Variants in RIMS2 observed in about 807,000 individuals in gnomAD.
The protein encoded by RIMS2 is regulating synaptic membrane exocytosis protein 2.
In RIMS2, 59 loss-of-function variants were observed where a neutral mutation model predicts 174.4. The observed-to-expected ratio is 0.34, with a 90% confidence interval of 0.27 to 0.42. The LOEUF is 0.42. RIMS2 is among the 10% of genes least tolerant of loss of function. The pLI is 1.00. For missense variants in RIMS2, 1,620 were observed against 1,666.3 expected (o/e 0.97, Z 0.48); for synonymous variants, 606 against 572.5 (o/e 1.06, Z -0.84).
At chr8:104,214,958 T>C (rs2099123329) in intron 19 of RIMS2, among the ~76,000 whole-genome samples, 1 of 152,218 alleles carries the variant, frequency 6.6e-6, no homozygotes, top group South Asian at 2.1e-4. Flanking sequence ...TGGGCTCTTT[T>C]TTTCCAATAC....
chr8:103,563,312 G>A (rs2091891960), intron 1 of RIMS2, among the ~76,000 whole-genome samples: 2 of 152,140 alleles, frequency 1.3e-5, no homozygotes, highest in Admixed American at 1.3e-4. Context: ...GTCACATCTT[G>A]AATGTTTTGC....
chr8:103,801,212 C>T (rs2098605572), intron 3 of RIMS2, among the ~76,000 whole-genome samples: 1 of 152,136 alleles, frequency 6.6e-6, no homozygotes, highest in Non-Finnish European at 1.5e-5. Flanking sequence ...ATCATGAACT[C>T]CTGAGCTCAG....
At chr8:103,671,844 A>T (rs1331748257) in intron 1 of RIMS2, among the ~76,000 whole-genome samples, 1 of 152,224 alleles carries the variant, frequency 6.6e-6, no homozygotes, top group African/African-American at 2.4e-5. Flanking sequence ...ATGAAAATAT[A>T]ACTCAAAGAG....
chr8:103,736,632 A>G (rs1034271504), intron 2 of RIMS2, among the ~76,000 whole-genome samples: 2 of 152,140 alleles, frequency 1.3e-5, no homozygotes, highest in Non-Finnish European at 2.9e-5. Flanking sequence ...TGTCTTTATA[A>G]TTACTCACGT....
In RIMS2 at chr8:104,251,808, C is replaced by A; in HGVS notation, c.4038C>A (p.Tyr1346Ter). ...TGGAAAGTTCAACTGGACCTTCTTA[C>A]TCTCGTTCATAGCAGCTGTAAAAAA... Residue 1346 changes from tyrosine (Y) to a stop codon, truncating the protein, a stop_gained, in exon 24 of 24, where the codon TAC (tyrosine) becomes TAA (stop). Transcript: ENST00000504942. LOFTEE classifies it high-confidence loss of function. The A allele has an allele frequency of 6.3e-7, 1 of 1,593,020 alleles. No individual in the cohort carries two copies. Among genetic ancestry groups the A allele is most frequent in the Non-Finnish European group, 8.6e-7 (1 of 1,162,870 alleles).
intron 15 of RIMS2, among the ~76,000 whole-genome samples, chr8:103,963,590 A>T (rs1038727988): frequency 6.6e-6 from 1 of 152,134 alleles, no homozygotes; most frequent in East Asian, 1.9e-4. Context: ...AGAGGAAGGT[A>T]TACAGATTTC....
chr8:103,567,304 A>G (rs1215225438), intron 1 of RIMS2, among the ~76,000 whole-genome samples: 1 of 152,074 alleles, frequency 6.6e-6, no homozygotes, highest in Non-Finnish European at 1.5e-5. Context: ...TATTCATCAA[A>G]CACTCACGCC....
In RIMS2 at chr8:103,826,453, G is replaced by T. The variant is rs1192935894; in HGVS notation, c.699-58845G>T. On this transcript the variant is annotated intron_variant, in intron 3 of 23. Coordinates refer to ENST00000504942, the Ensembl canonical transcript of RIMS2. ...AATATTTTTTCCATTTGGTTATCCA[G>T]TTATTTCATTACCATTTGCTGAAAA... 2.0e-5 allele frequency among the ~76,000 whole-genome samples: 3 copies of T among 151,422 alleles called. No homozygotes were observed. The East Asian group carries it at 5.8e-4, about 29-fold the overall frequency.
intron 1 of RIMS2, among the ~76,000 whole-genome samples, chr8:103,578,246 T>C (rs1390130021): frequency 6.6e-6 from 1 of 152,044 alleles, no homozygotes; most frequent in African/African-American, 2.4e-5. Context: ...AACTAACATA[T>C]CGGCCAGGCA....
intron 12 of RIMS2, among the ~76,000 whole-genome samples, chr8:103,935,391 T>C (rs2081011893): frequency 6.6e-6 from 1 of 152,210 alleles, no homozygotes; most frequent in South Asian, 2.1e-4. Context: ...TGCCATGTTA[T>C]ATATGTGTGC....
Position 103,540,059 on chromosome 8 carries a change from C to T in RIMS2, c.176+38997C>T, listed in dbSNP as rs1841803496. 2.0e-5 allele frequency among the ~76,000 whole-genome samples: 3 copies of T among 152,226 alleles called. No homozygotes were observed. In the South Asian group the frequency reaches 6.2e-4, roughly 31 times the overall value. ...TTGGCTGCTTCACAAGCATCATGTACTATTTCCAATATGGCAGTGGGGTTG... is the reference window on the plus strand; with the variant it reads ...TTGGCTGCTTCACAAGCATCATGTATTATTTCCAATATGGCAGTGGGGTTG... On this transcript the variant is annotated intron_variant, in intron 1 of 23. Transcript: ENST00000504942.
intron 1 of RIMS2, among the ~76,000 whole-genome samples, chr8:103,614,793 A>G (rs2095468387): frequency 6.6e-6 from 1 of 152,240 alleles, no homozygotes; most frequent in Non-Finnish European, 1.5e-5. Flanking sequence ...CAGTTGCAGA[A>G]GTCGCATGAA....
intron 19 of RIMS2, among the ~76,000 whole-genome samples, chr8:104,118,248 A>G (rs972247356): frequency 3.9e-5 from 6 of 152,234 alleles, no homozygotes; most frequent in Admixed American, 2.6e-4. Flanking sequence ...AGAACTTATA[A>G]GAAGTATATA....
intron 1 of RIMS2, among the ~76,000 whole-genome samples, chr8:103,627,658 C>T (rs948146474): frequency 2.0e-5 from 3 of 152,202 alleles, no homozygotes; most frequent in Non-Finnish European, 4.4e-5. Context: ...CCGGTCCCTC[C>T]ATTCAGGGTC....
chr8:103,692,450 T>C, intron 1 of RIMS2, among the ~76,000 whole-genome samples: 1 of 152,202 alleles, frequency 6.6e-6, no homozygotes, highest in Non-Finnish European at 1.5e-5. Context: ...CTTCTCTCTT[T>C]TTTCCACAAG....
chr8:103,993,270 A>G (rs1319381652), intron 17 of RIMS2, among the ~76,000 whole-genome samples: 4 of 152,172 alleles, frequency 2.6e-5, no homozygotes, highest in African/African-American at 9.7e-5. Flanking sequence ...CATTAGATGC[A>G]TTTATTTCCA....
intron 19 of RIMS2, among the ~76,000 whole-genome samples, chr8:104,237,201 T>C (rs918468969): frequency 6.6e-6 from 1 of 152,176 alleles, no homozygotes; most frequent in Non-Finnish European, 1.5e-5. Context: ...AATGGCCAAT[T>C]TTTAAATGAT....
intron 1 of RIMS2, among the ~76,000 whole-genome samples, chr8:103,592,099 A>G (rs867431253): frequency 6.6e-6 from 1 of 151,198 alleles, no homozygotes; most frequent in Non-Finnish European, 1.5e-5. Flanking sequence ...CTTTGATGTC[A>G]TGGGAGCAGG....
At chr8:104,251,859 CA>C (rs34085789), downstream of RIMS2, 28,140 of 693,922 alleles carry the variant, frequency 0.041, no homozygotes, top group South Asian at 0.061. Context: ...ACCAGCGTTA[CA>C]AAAAAAAAAA....
Sources: gnomAD v4.1 joint callset for allele counts (sites outside exome capture counted in the v4.1 genomes callset) on GRCh38, gnomAD v4.1.1 for gene constraint, MANE v1.5 for transcripts, NCBI Gene and HGNC (gene_info 2026-07-23, HGNC 2026-07-21) for gene names.